Variants in CEP135 observed in about 807,000 individuals in gnomAD.
CEP135 encodes centrosomal protein 135.
In CEP135, 142 loss-of-function variants were observed where a neutral mutation model predicts 157.3. That is an observed-to-expected ratio of 0.90 (90% CI 0.79 to 1.04). CEP135 has a LOEUF of 1.04. Ranked by LOEUF, CEP135 falls within the 50% of genes least tolerant of loss-of-function variation. CEP135 has a pLI of 0.00. For synonymous variants in CEP135, 396 were observed against 439.8 expected (o/e 0.90, Z 1.25); for missense variants, 1,317 against 1,309.2 (o/e 1.01, Z -0.09).
chr4:56,019,073 CTT>C (rs1399685433), intron 22 of CEP135, among the ~76,000 whole-genome samples: 22 of 152,066 alleles, frequency 1.4e-4, no homozygotes, highest in Admixed American at 8.5e-4. Flanking sequence ...GTGGTTTTAT[CTT>C]AATGACCGTC....
chr4:56,009,257 G>A (rs1376266288), intron 18 of CEP135, among the ~76,000 whole-genome samples: 1 of 152,134 alleles, frequency 6.6e-6, no homozygotes, highest in Non-Finnish European at 1.5e-5. Context: ...TGCCTCCCGG[G>A]TTCACGCCAT....
intron 21 of CEP135, among the ~76,000 whole-genome samples, chr4:56,016,771 G>A (rs912709549): frequency 6.6e-6 from 1 of 151,998 alleles, no homozygotes; most frequent in African/African-American, 2.4e-5. Flanking sequence ...GAACTCGTGG[G>A]CTCAGGTGAT....
At chr4:55,985,211 A>C (rs1729536812) in intron 13 of CEP135, 70 bp from the exon 14 acceptor site, 1 of 757,770 alleles carries the variant, frequency 1.3e-6, no homozygotes, top group Non-Finnish European at 2.3e-6. Flanking sequence ...GTAGACTTAC[A>C]TTGCTTACTG....
rs141612271 is a variant in CEP135 at position 55,998,148 on chromosome 4, G to A, written c.2010-1154G>A. Among the ~76,000 whole-genome samples, 401 of 152,026 alleles carry A rather than the reference G, an allele frequency of 2.6e-3. 5 individuals are homozygous for A. The highest frequency in any genetic ancestry group is 0.014 in the Middle Eastern group (4 of 294). ...GGAATTCAAACCTCCTTCCCTTTAG[G>A]CGATTCTAAGCTAAGCTACCCTCAG... On this transcript the variant is annotated intron_variant, in intron 15 of 25. Transcript: ENST00000257287.
At position 56,024,606 on chromosome 4, in the gene CEP135, A is replaced by G. The variant is rs200156388; in HGVS notation, c.*3A>G. 75 of 1,599,038 alleles carry G rather than the reference A, an allele frequency of 4.7e-5. No individual in the cohort carries two copies. In the East Asian group the frequency reaches 1.5e-3, roughly 31 times the overall value. On this transcript the variant is annotated 3_prime_UTR_variant, in exon 25 of 26. Coordinates refer to ENST00000257287, the MANE Select transcript of CEP135 (RefSeq NM_025009.5). Reference sequence around the variant, plus strand: ...CTCCTGAACATAGAAATGTGTAATTATCAGAAAGGTATGTATGTAACACCA... The same window carrying G: ...CTCCTGAACATAGAAATGTGTAATTGTCAGAAAGGTATGTATGTAACACCA...
At chr4:55,978,059 T>C (rs957560048) in intron 11 of CEP135, among the ~76,000 whole-genome samples, 1 of 152,158 alleles carries the variant, frequency 6.6e-6, no homozygotes, top group Non-Finnish European at 1.5e-5. Context: ...AGTGGAGTAG[T>C]GAAAGGGCGT....
At chr4:55,952,970 C>A (rs539907759) in intron 2 of CEP135, 115 bp from the exon 3 acceptor site, 2 of 907,810 alleles carry the variant, frequency 2.2e-6, no homozygotes, top group South Asian at 2.2e-5. Flanking sequence ...CTGTCGTTGA[C>A]CAAAATGTCA....
intron 18 of CEP135, among the ~76,000 whole-genome samples, chr4:56,009,286 C>T (rs1025750974): frequency 6.6e-6 from 1 of 152,146 alleles, no homozygotes; most frequent in Non-Finnish European, 1.5e-5. Context: ...CTCAGCCTCC[C>T]AAGTAGCTGG....
chr4:56,004,531 G>T (rs1730286184), intron 17 of CEP135, among the ~76,000 whole-genome samples: 1 of 152,138 alleles, frequency 6.6e-6, no homozygotes, highest in Non-Finnish European at 1.5e-5. Context: ...TTATCGTATT[G>T]CAGTGTGTCT....
intron 1 of CEP135, among the ~76,000 whole-genome samples, chr4:55,950,751 ATG>A (rs1022521623): frequency 3.4e-4 from 51 of 151,532 alleles, no homozygotes; most frequent in African/African-American, 1.2e-3. Context: ...AGAGGTACTT[ATG>A]TGTGTCTTTT....
At chr4:55,994,518 G>T (rs1228439830) in intron 15 of CEP135, among the ~76,000 whole-genome samples, 1 of 151,922 alleles carries the variant, frequency 6.6e-6, no homozygotes, top group African/African-American at 2.4e-5. Flanking sequence ...CTGTACTCCA[G>T]CCTGGGTGAC....
chr4:56,013,011 A>G (rs1238146070), intron 21 of CEP135, among the ~76,000 whole-genome samples: 1 of 152,218 alleles, frequency 6.6e-6, no homozygotes, highest in Non-Finnish European at 1.5e-5. Flanking sequence ...CATTTCTACC[A>G]GCAATGCACG....
At chr4:56,018,772 T>C (rs953195855) in intron 22 of CEP135, among the ~76,000 whole-genome samples, 5 of 151,778 alleles carry the variant, frequency 3.3e-5, no homozygotes, top group African/African-American at 1.2e-4. Flanking sequence ...AAAAAAAAAG[T>C]AAGACTTGAA....
At chr4:55,988,118 G>A (rs184323644) in intron 14 of CEP135, among the ~76,000 whole-genome samples, 50 of 149,494 alleles carry the variant, frequency 3.3e-4, no homozygotes, top group Non-Finnish European at 6.2e-4. Context: ...TAAATAAGTG[G>A]AGGATTATAT....
At chr4:55,981,144 T>TA in intron 12 of CEP135, 83 bp from the exon 13 acceptor site, 1 of 1,350,332 alleles carries the variant, frequency 7.4e-7, no homozygotes, top group Non-Finnish European at 1.0e-6. Flanking sequence ...ATGCCTTTTT[T>TA]AACTGGAAAC....
intron 22 of CEP135, 92 bp from the exon 23 acceptor site, chr4:56,019,261 A>G: frequency 2.1e-6 from 2 of 947,332 alleles, no homozygotes; most frequent in East Asian, 2.6e-5. Context: ...TGATAGGTGA[A>G]TAGTTCCACA....
chr4:56,021,418 T>G (rs1275651925), intron 24 of CEP135, among the ~76,000 whole-genome samples: 3 of 152,226 alleles, frequency 2.0e-5, no homozygotes, highest in Non-Finnish European at 4.4e-5. Context: ...TTGGTAATTT[T>G]CATATTCACT....
At chr4:55,949,153 C>G (rs1218349556) in intron 1 of CEP135, 94 bp downstream of exon 1, 3 of 152,508 alleles carry the variant, frequency 2.0e-5, no homozygotes, top group Non-Finnish European at 4.4e-5. Flanking sequence ...CGGGCACTGC[C>G]GGGAGGCCGC....
Position 56,019,387 on chromosome 4 carries a change from C to G in CEP135, c.3047C>G (p.Ser1016Ter), listed in dbSNP as rs1326819658. The change falls in exon 23 of 26, where the codon TCA becomes TGA. Residue 1016 changes from serine (S) to a stop codon, truncating the protein, a stop_gained. Transcript: ENST00000257287. LOFTEE classifies it high-confidence loss of function. ...VVELENVKSE[S>*]DLLKKQLSNE... is the part of the protein sequence containing the mutation. The stretch of plus-strand genomic sequence containing the variant: ...GAATTAGAAAATGTAAAGTCAGAGT[C>G]AGACCTACTGAAAAAACAACTTTCA... 1 of 1,613,424 alleles carries G rather than the reference C, an allele frequency of 6.2e-7. No individual in the cohort carries two copies. The highest frequency in any genetic ancestry group is 8.5e-7 in the Non-Finnish European group (1 of 1,179,818).
Sources: allele counts gnomAD v4.1 joint callset (sites outside exome capture counted in the v4.1 genomes callset), GRCh38; gene constraint gnomAD v4.1.1; transcripts MANE v1.5; gene names NCBI Gene and HGNC (gene_info 2026-07-23, HGNC 2026-07-21).